Variants in CAMSAP1 observed in about 807,000 individuals in gnomAD.
CAMSAP1 encodes calmodulin-regulated spectrin-associated protein 1.
CAMSAP1 carries 58 observed loss-of-function variants against 143.5 expected under a neutral mutation model. That is an observed-to-expected ratio of 0.40 (90% CI 0.33 to 0.50). CAMSAP1 has a LOEUF of 0.50. CAMSAP1 is among the 20% of genes least tolerant of loss of function. The pLI is 0.45. For synonymous variants in CAMSAP1, 945 were observed against 859.3 expected (o/e 1.10, Z -1.74); for missense variants, 1,969 against 2,115.7 (o/e 0.93, Z 1.36).
intron 3 of CAMSAP1, among the ~76,000 whole-genome samples, chr9:135,878,860 T>C (rs1837838287): frequency 6.6e-6 from 1 of 152,086 alleles, no homozygotes; most frequent in Non-Finnish European, 1.5e-5. Flanking sequence ...CTTAAATTCA[T>C]ATGGAAATGG....
chr9:135,867,924 G>A lies in CAMSAP1; in HGVS notation c.586-1388C>T, dbSNP rs150318619. Among the ~76,000 whole-genome samples the A allele has an allele frequency of 5.2e-3, 796 of 152,292 alleles. 13 individuals carry two copies. The highest frequency in any genetic ancestry group is 0.032 in the South Asian group (153 of 4,832). On this transcript the variant is annotated intron_variant, in intron 3 of 16. Transcript: ENST00000389532. ...AGACGCCTCCCATCCTCAGACCAGAGACAAGGCTGCAGACAAGACAACGGT... is the reference window on the plus strand; with the variant it reads ...AGACGCCTCCCATCCTCAGACCAGAAACAAGGCTGCAGACAAGACAACGGT...
In CAMSAP1 at chr9:135,820,975, C is replaced by A. The variant is rs765153480; in HGVS notation, c.3686G>T (p.Ser1229Ile). The A allele has an allele frequency of 1.2e-6, 2 of 1,613,100 alleles. No individual in the cohort carries two copies. Among genetic ancestry groups the A allele is most frequent in the Admixed American group, 1.7e-5 (1 of 59,946 alleles). Residue 1229 changes from serine (S) to isoleucine (I), a missense_variant, in exon 11 of 17, where the codon AGC becomes ATC. By Grantham distance (142) the Ser-to-Ile change is moderately radical. Coordinates refer to ENST00000389532, the MANE Select transcript of CAMSAP1 (RefSeq NM_015447.4). The surrounding 1 kb of genome is among the most constrained non-coding windows in gnomAD (Gnocchi z 4.4). ...ESVPVEEPLR[S>I]RASLIEVDLS... ...GTCCACTTCAATGAGGCTGGCCCTG[C>A]TCCTCAGAGGCTCCTCCACGGGGAC...
rs565197199 is a variant in CAMSAP1 at position 135,808,863 on chromosome 9, CT to C, written c.*2445del. 12 of 152,358 alleles carry C rather than the reference CT, an allele frequency of 7.9e-5. No homozygotes were observed. In the South Asian group the frequency reaches 2.3e-3, roughly 29 times the overall value. 9.4% of individuals were successfully genotyped at this position (152,358 alleles called of 1,614,324 possible). The stretch of plus-strand genomic sequence containing the variant: ...GCATTACCAAGGATTTACACATAAA[CT>C]TCATCATACATTGAATCATTTGGTT... On this transcript the variant is annotated 3_prime_UTR_variant, in exon 17 of 17. Coordinates refer to ENST00000389532, the MANE Select transcript of CAMSAP1 (RefSeq NM_015447.4).
At chr9:135,869,906 C>G (rs1032302304) in intron 3 of CAMSAP1, among the ~76,000 whole-genome samples, 2 of 152,164 alleles carry the variant, frequency 1.3e-5, no homozygotes, top group African/African-American at 2.4e-5. Flanking sequence ...GAAACATGCT[C>G]TGTGAAAGAT....
rs1835707272 is a variant in CAMSAP1, at chr9:135,827,267, G to T, written c.1223+140C>A. 7.0e-6 allele frequency: 6 copies of T among 861,782 alleles called. No homozygotes were observed. The South Asian group carries it at 1.3e-4, about 19-fold the overall frequency. The allele number at this position is 861,782 out of a possible 1,614,324, so 53.4% of individuals were successfully genotyped here. A position where few individuals can be genotyped will look rare whatever the true frequency, so the allele number is the denominator to read the frequency against. ...GAAAGGGGACCGAATGGCCAGAAGG[G>T]CAGGGACAGAAGGAAAATCTTTCAT... On this transcript the variant is annotated intron_variant, in intron 8 of 16. Transcript: ENST00000389532.
At position 135,882,704 on chromosome 9, in the gene CAMSAP1, TCCA is replaced by T. The variant is rs1837999095; in HGVS notation, c.423+109_423+111del. On this transcript the variant is annotated intron_variant, in intron 2 of 16. Transcript: ENST00000389532. This position sits in a 1 kb window ranked among gnomAD's most constrained non-coding sequence, Gnocchi z 4.9. ...ACGCCAGTGTGCAAAAGCACGGGTC[TCCA>T]CCACCTCGCCGCACACCGTGTTCAC... The T allele has an allele frequency of 1.7e-5, 22 of 1,308,586 alleles. No individual in the cohort carries two copies. Among genetic ancestry groups the T allele is most frequent in the Middle Eastern group, 2.6e-4 (1 of 3,862 alleles). 81.1% of individuals were successfully genotyped at this position (1,308,586 alleles called of 1,614,324 possible). A position where few individuals can be genotyped will look rare whatever the true frequency, so the allele number is the denominator to read the frequency against.
chr9:135,895,088 A>G (rs1838401824), intron 1 of CAMSAP1, among the ~76,000 whole-genome samples: 2 of 152,240 alleles, frequency 1.3e-5, no homozygotes, highest in Non-Finnish European at 2.9e-5. Flanking sequence ...GGAGAAAAGA[A>G]GAACAGAGCC....
At chr9:135,900,926 G>C (rs1250934904) in intron 1 of CAMSAP1, among the ~76,000 whole-genome samples, 2 of 151,728 alleles carry the variant, frequency 1.3e-5, no homozygotes, top group Admixed American at 6.6e-5. Flanking sequence ...AGCTAATTTT[G>C]TATTTTTAGT....
chr9:135,821,360 A>T lies in CAMSAP1; in HGVS notation c.3301T>A (p.Ser1101Thr), dbSNP rs1835450640. The change falls in exon 11 of 17, where the codon TCC becomes ACC. Residue 1101 changes from serine (S) to threonine (T), a missense_variant. Ser to Thr is a moderately conservative substitution (Grantham distance 58). Transcript: ENST00000389532. This position sits in a 1 kb window ranked among gnomAD's most constrained non-coding sequence, Gnocchi z 4.6. Reference protein sequence around the residue: ...PRLGQGRNSRSGRPAELKVPK... With the variant: ...PRLGQGRNSRTGRPAELKVPK... ...ACCTTCAGCTCCGCCGGCCTTCCGG[A>T]ACGGGAATTCCGGCCTTGACCCAGC... 1 of 1,613,630 alleles carries T rather than the reference A, an allele frequency of 6.2e-7. No individual in the cohort carries two copies. The highest frequency in any genetic ancestry group is 8.5e-7 in the Non-Finnish European group (1 of 1,179,816).
chr9:135,851,474 C>T (rs1836781516), intron 5 of CAMSAP1, among the ~76,000 whole-genome samples: 1 of 152,166 alleles, frequency 6.6e-6, no homozygotes, highest in Non-Finnish European at 1.5e-5. Flanking sequence ...TTCTGACCAT[C>T]AAATGTTAAC....
intron 1 of CAMSAP1, among the ~76,000 whole-genome samples, chr9:135,896,858 G>A (rs1026974147): frequency 6.6e-6 from 1 of 152,102 alleles, no homozygotes; most frequent in African/African-American, 2.4e-5. Context: ...AGGTCACAAG[G>A]GCCCTACCCT....
Position 135,846,577 on chromosome 9 carries a change from T to A in CAMSAP1, c.1045+3560A>T, listed in dbSNP as rs139732279. ...TTCTGCACAGCAAAAGAAACTATCA[T>A]CAGAGTGAACAGGCAACCTACAGAA... On this transcript the variant is annotated intron_variant, in intron 7 of 16. Coordinates refer to ENST00000389532, the MANE Select transcript of CAMSAP1 (RefSeq NM_015447.4). Among the ~76,000 whole-genome samples, 104 of 147,872 alleles carry A rather than the reference T, an allele frequency of 7.0e-4. 1 individual carries two copies. The East Asian group carries it at 0.019, about 27-fold the overall frequency.
intron 14 of CAMSAP1, 86 bp from the exon 15 acceptor site, chr9:135,816,091 G>A (rs1835221199): frequency 1.1e-5 from 14 of 1,233,052 alleles, no homozygotes; most frequent in Admixed American, 1.8e-5. Context: ...CCGCAACCAG[G>A]ACAGGAAGCA....
At chr9:135,850,624 T>C (rs1836742261) in intron 5 of CAMSAP1, among the ~76,000 whole-genome samples, 163 bp from the exon 6 acceptor site, 1 of 152,132 alleles carries the variant, frequency 6.6e-6, no homozygotes, top group South Asian at 2.1e-4. Context: ...ACACTAAGTA[T>C]AAAAAGAAAA....
intron 1 of CAMSAP1, among the ~76,000 whole-genome samples, chr9:135,896,235 C>T (rs984919198): frequency 6.6e-6 from 1 of 151,942 alleles, no homozygotes; most frequent in Non-Finnish European, 1.5e-5. Flanking sequence ...GCCATTCAAA[C>T]ACTTTTTTAA....
chr9:135,828,911 G>A (rs766027015), intron 7 of CAMSAP1, among the ~76,000 whole-genome samples: 3 of 152,066 alleles, frequency 2.0e-5, no homozygotes, highest in Non-Finnish European at 4.4e-5. Context: ...TCAAAACGCT[G>A]AAAGGACGGG....
chr9:135,871,779 G>C (rs1045551782), intron 3 of CAMSAP1, among the ~76,000 whole-genome samples: 1 of 150,800 alleles, frequency 6.6e-6, no homozygotes, highest in African/African-American at 2.5e-5. Context: ...AAAAAAAAAA[G>C]GTAAGTTATC....
At chr9:135,842,985 A>G (rs898893594) in intron 7 of CAMSAP1, among the ~76,000 whole-genome samples, 11 of 152,236 alleles carry the variant, frequency 7.2e-5, no homozygotes, top group African/African-American at 2.7e-4. Context: ...AAATTCACAC[A>G]TAACAATATT....
chr9:135,882,699 G>C lies in CAMSAP1; in HGVS notation c.423+117C>G. On this transcript the variant is annotated intron_variant, in intron 2 of 16. Coordinates refer to ENST00000389532, the MANE Select transcript of CAMSAP1 (RefSeq NM_015447.4). The surrounding 1 kb of genome is among the most constrained non-coding windows in gnomAD (Gnocchi z 4.9). ...AAGGAACGCCAGTGTGCAAAAGCACGGGTCTCCACCACCTCGCCGCACACC... is the reference window on the plus strand; with the variant it reads ...AAGGAACGCCAGTGTGCAAAAGCACCGGTCTCCACCACCTCGCCGCACACC... 1 of 1,231,118 alleles carries C rather than the reference G, an allele frequency of 8.1e-7. No individual in the cohort carries two copies. The highest frequency in any genetic ancestry group is 1.5e-5 in the African/African-American group (1 of 65,966). 76.3% of individuals were successfully genotyped at this position (1,231,118 alleles called of 1,614,324 possible).
Sources: allele counts gnomAD v4.1 joint callset (sites outside exome capture counted in the v4.1 genomes callset), GRCh38; gene constraint gnomAD v4.1.1; non-coding constraint Gnocchi (gnomAD v3.1); transcripts MANE v1.5; gene names NCBI Gene and HGNC (gene_info 2026-07-23, HGNC 2026-07-21).